Variants in KYAT3 observed in about 807,000 individuals in gnomAD.
KYAT3 encodes the protein kynurenine--oxoglutarate transaminase 3.
KYAT3 carries 50 observed loss-of-function variants against 59.0 expected under a neutral mutation model. That is an observed-to-expected ratio of 0.85 (90% CI 0.68 to 1.07). The LOEUF (loss-of-function observed/expected upper bound fraction) is 1.07, where lower values mean the gene tolerates loss of function less well. Among genes scored for constraint, KYAT3 ranks in the 50% least tolerant of loss-of-function variants. The pLI, the probability that KYAT3 is intolerant of heterozygous loss-of-function variation, is 0.00. For synonymous variants in KYAT3, 148 were observed against 177.0 expected (o/e 0.84, Z 1.30); for missense variants, 497 against 533.3 (o/e 0.93, Z 0.67).
intron 2 of KYAT3, among the ~76,000 whole-genome samples, chr1:88,974,362 G>A (rs1441432401): frequency 7.3e-5 from 11 of 151,482 alleles, no homozygotes; most frequent in African/African-American, 2.2e-4. Context: ...TAATTACAAC[G>A]TATGTTTTTG....
chr1:88,947,679 T>C (rs1388844168), intron 11 of KYAT3, among the ~76,000 whole-genome samples: 2 of 152,208 alleles, frequency 1.3e-5, no homozygotes, highest in Non-Finnish European at 2.9e-5. Flanking sequence ...ACAGCCACTT[T>C]CCAGAGAGAC....
intron 2 of KYAT3, among the ~76,000 whole-genome samples, chr1:88,970,016 G>C (rs1357118568): frequency 6.6e-6 from 1 of 152,062 alleles, no homozygotes; most frequent in Non-Finnish European, 1.5e-5. Context: ...AGGACAAAAA[G>C]TATCATCCTA....
In KYAT3 at chr1:88,972,028, GA is replaced by G. The variant is rs1676574786; in HGVS notation, c.100-2562del. On this transcript the variant is annotated intron_variant, in intron 2 of 13. Transcript: ENST00000260508. ...ACTACTATACTTCTAAATAAAGAAT[GA>G]AACACTTCTAATATGAAACATTGAA... Among the ~76,000 whole-genome samples the G allele has an allele frequency of 2.0e-5, 3 of 152,288 alleles. No individual in the cohort carries two copies. The South Asian group carries it at 6.2e-4, about 32-fold the overall frequency.
At chr1:88,924,674 G>A in the KYAT3 span, among the ~76,000 whole-genome samples, 8 of 152,246 alleles carry the variant, frequency 5.3e-5, no homozygotes, top group South Asian at 2.1e-4. Context: ...TGCCGCCATC[G>A]CAGACTCGCT....
chr1:88,980,667 C>T (rs1314772747), intron 2 of KYAT3: 1 of 152,454 alleles, frequency 6.6e-6, no homozygotes, highest in Non-Finnish European at 1.5e-5. Flanking sequence ...GTCATTTTAA[C>T]ATACTCCTTG....
intron 13 of KYAT3, among the ~76,000 whole-genome samples, chr1:88,940,768 T>TA (rs1206137235): frequency 6.6e-6 from 1 of 152,198 alleles, no homozygotes; most frequent in Non-Finnish European, 1.5e-5. Flanking sequence ...TTGCCTTACA[T>TA]AGTTTCCAGA....
chr1:88,974,861 C>T (rs533191857), intron 2 of KYAT3, among the ~76,000 whole-genome samples: 1 of 151,746 alleles, frequency 6.6e-6, no homozygotes, highest in South Asian at 2.1e-4. Context: ...ATGGACCAAT[C>T]AGCACTCTGT....
At chr1:88,941,661 A>T (rs982058270) in intron 13 of KYAT3, among the ~76,000 whole-genome samples, 16 of 151,794 alleles carry the variant, frequency 1.1e-4, no homozygotes, top group Admixed American at 1.3e-4. Context: ...TGTACCATAA[A>T]CTCCTGAATA....
intron 2 of KYAT3, among the ~76,000 whole-genome samples, chr1:88,974,444 T>C (rs1209710963): frequency 6.6e-6 from 1 of 151,788 alleles, no homozygotes; most frequent in Non-Finnish European, 1.5e-5. Context: ...TCTTGTTGTC[T>C]TGCAATGCAT....
At chr1:88,951,260 G>T (rs1675661129) in intron 10 of KYAT3, among the ~76,000 whole-genome samples, 1 of 147,802 alleles carries the variant, frequency 6.8e-6, no homozygotes, top group South Asian at 2.1e-4. Context: ...TTGAGACGAA[G>T]TCTTGCTGTT....
rs147587510 is a variant in KYAT3 at position 88,988,438 on chromosome 1, T to C, written c.-1-87A>G. ...ACACTTACAGCTAGCTGATGTATCA[T>C]AAGCTTACGTAAAATCCAAGTAAAC... On this transcript the variant is annotated intron_variant, in intron 1 of 13. Coordinates refer to ENST00000260508, the MANE Select transcript of KYAT3 (RefSeq NM_001008661.3). 5 of 675,932 alleles carry C rather than the reference T, an allele frequency of 7.4e-6. No individual in the cohort carries two copies. In the African/African-American group the frequency reaches 9.2e-5, roughly 12 times the overall value. 41.9% of individuals were successfully genotyped at this position (675,932 alleles called of 1,614,324 possible). A position where few individuals can be genotyped will look rare whatever the true frequency, so the allele number is the denominator to read the frequency against.
chr1:88,979,205 G>A (rs1676949838), intron 2 of KYAT3, among the ~76,000 whole-genome samples: 1 of 152,084 alleles, frequency 6.6e-6, no homozygotes, highest in South Asian at 2.1e-4. Flanking sequence ...ACATCACAGG[G>A]CTTTGCTTCA....
At position 88,984,204 on chromosome 1, in the gene KYAT3, CTTTTTTTTTT is replaced by C. The variant is rs908183722; in HGVS notation, c.99+4038_99+4047del. 8.9e-4 allele frequency: 73 copies of C among 81,754 alleles called. No homozygotes were observed. In the East Asian group the frequency reaches 0.01, roughly 11 times the overall value. 5.1% of individuals were successfully genotyped at this position (81,754 alleles called of 1,614,324 possible). On this transcript the variant is annotated intron_variant, in intron 2 of 13. Coordinates refer to ENST00000260508, the MANE Select transcript of KYAT3 (RefSeq NM_001008661.3). Reference sequence around the variant, plus strand: ...ATTAACAGGAGCCCTTTTTTTGTTGCTTTTTTTTTTTTTTTTTTTTTTTTTTGTAGACAGG... The same window carrying C: ...ATTAACAGGAGCCCTTTTTTTGTTGCTTTTTTTTTTTTTTTTGTAGACAGG...
At chr1:88,986,921 G>C (rs182987306) in intron 2 of KYAT3, among the ~76,000 whole-genome samples, 2 of 152,310 alleles carry the variant, frequency 1.3e-5, no homozygotes, top group Admixed American at 1.3e-4. Context: ...CAAAGCCTCT[G>C]ATGAACTGTA....
At chr1:88,959,690 C>G (rs1262934984) in intron 8 of KYAT3, among the ~76,000 whole-genome samples, 1 of 150,864 alleles carries the variant, frequency 6.6e-6, no homozygotes, top group Non-Finnish European at 1.5e-5. Flanking sequence ...ACCTCCTTAT[C>G]TAAGTACATG....
intron 2 of KYAT3, among the ~76,000 whole-genome samples, chr1:88,970,042 C>A (rs943189553): frequency 6.6e-6 from 1 of 152,096 alleles, no homozygotes; most frequent in Non-Finnish European, 1.5e-5. Flanking sequence ...GAAAGCTAAT[C>A]TGTTTTAAGG....
intron 2 of KYAT3, among the ~76,000 whole-genome samples, chr1:88,970,378 C>T (rs1420808141): frequency 2.6e-5 from 4 of 152,118 alleles, no homozygotes; most frequent in Non-Finnish European, 5.9e-5. Context: ...TACAGAGGTA[C>T]GGAGAGGTTA....
At chr1:88,934,793 A>C (rs557052498), downstream of KYAT3, among the ~76,000 whole-genome samples, 1 of 152,302 alleles carries the variant, frequency 6.6e-6, no homozygotes, top group East Asian at 1.9e-4. Context: ...ACAAACTACA[A>C]CAGTAATGAT....
At chr1:88,948,734 T>C (rs1675544522) in intron 11 of KYAT3, among the ~76,000 whole-genome samples, 1 of 152,200 alleles carries the variant, frequency 6.6e-6, no homozygotes, top group East Asian at 1.9e-4. Context: ...AATGAAATAG[T>C]ACATTTTGTT....
Sources: gnomAD v4.1 joint callset for allele counts (sites outside exome capture counted in the v4.1 genomes callset) on GRCh38, gnomAD v4.1.1 for gene constraint, MANE v1.5 for transcripts, NCBI Gene and HGNC (gene_info 2026-07-23, HGNC 2026-07-21) for gene names.